The following ADAMTS3 variants were observed in gnomAD, a reference collection of about 807,000 sequenced individuals.
The protein encoded by ADAMTS3 is A disintegrin and metalloproteinase with thrombospondin motifs 3.
In ADAMTS3, 73 loss-of-function variants were observed where a neutral mutation model predicts 129.0. The observed-to-expected ratio is 0.57, with a 90% CI of 0.47 to 0.69. The LOEUF (loss-of-function observed/expected upper bound fraction) is 0.69. Ranked by LOEUF, ADAMTS3 falls within the 30% of genes least tolerant of loss-of-function variation. ADAMTS3 has a pLI of 0.00. For synonymous variants in ADAMTS3, 477 were observed against 510.8 expected, an observed-to-expected ratio of 0.93 and a Z score of 0.89; for missense variants, 1,457 against 1,514.5, an observed-to-expected ratio of 0.96 and a Z score of 0.63.
chr4:72,294,045 A>C (rs187614268), intron 19 of ADAMTS3, among the ~76,000 whole-genome samples: 211 of 152,176 alleles, frequency 1.4e-3, no homozygotes, highest in African/African-American at 4.9e-3. Context: ...ACACGGGAGA[A>C]TTTTTTTCAA....
intron 2 of ADAMTS3, among the ~76,000 whole-genome samples, chr4:72,566,226 T>C (rs970562981): frequency 6.6e-6 from 1 of 152,136 alleles, no homozygotes; most frequent in Non-Finnish European, 1.5e-5. Flanking sequence ...GAAGGAGCAT[T>C]TTGATATATG....
intron 4 of ADAMTS3, among the ~76,000 whole-genome samples, chr4:72,377,044 C>A (rs970421252): frequency 6.6e-6 from 1 of 152,038 alleles, no homozygotes; most frequent in African/African-American, 2.4e-5. Flanking sequence ...ATGGCCTTAC[C>A]AGATGTTAAA....
intron 3 of ADAMTS3, among the ~76,000 whole-genome samples, chr4:72,541,684 C>T (rs1457969621): frequency 6.6e-6 from 1 of 152,096 alleles, no homozygotes; most frequent in Non-Finnish European, 1.5e-5. Flanking sequence ...GTGAATATGT[C>T]TCATGAGATC....
intron 4 of ADAMTS3, among the ~76,000 whole-genome samples, chr4:72,403,133 T>G (rs1721966405): frequency 6.6e-6 from 1 of 152,050 alleles, no homozygotes; most frequent in Non-Finnish European, 1.5e-5. Flanking sequence ...TGGTCTTAAT[T>G]TTTCCTTTGT....
chr4:72,409,257 T>A (rs1417489402), intron 4 of ADAMTS3, among the ~76,000 whole-genome samples: 1 of 152,056 alleles, frequency 6.6e-6, no homozygotes, highest in Non-Finnish European at 1.5e-5. Context: ...AAGGAGCAAT[T>A]ACATTTTAAA....
chr4:72,406,281 C>A (rs917823704), intron 4 of ADAMTS3, among the ~76,000 whole-genome samples: 6 of 152,106 alleles, frequency 3.9e-5, no homozygotes, highest in African/African-American at 1.4e-4. Flanking sequence ...CCCAGCAATG[C>A]CTACTTGGCC....
intron 3 of ADAMTS3, among the ~76,000 whole-genome samples, chr4:72,541,832 T>C (rs1185204280): frequency 6.6e-6 from 1 of 152,166 alleles, no homozygotes; most frequent in South Asian, 2.1e-4. Flanking sequence ...GTCCATTAGT[T>C]TTCTTTTTCT....
At chr4:72,386,283 A>T (rs1721443571) in intron 4 of ADAMTS3, among the ~76,000 whole-genome samples, 1 of 152,078 alleles carries the variant, frequency 6.6e-6, no homozygotes, top group Non-Finnish European at 1.5e-5. Flanking sequence ...GTTTGTATGT[A>T]TGTGTATGGA....
intron 12 of ADAMTS3, among the ~76,000 whole-genome samples, chr4:72,312,716 AGTGT>A (rs1719276324): frequency 6.6e-6 from 1 of 152,144 alleles, no homozygotes; most frequent in Non-Finnish European, 1.5e-5. Flanking sequence ...GCATGGCAAA[AGTGT>A]GTAAGAAAAA....
At chr4:72,547,040 T>C (rs1396812975) in intron 3 of ADAMTS3, among the ~76,000 whole-genome samples, 1 of 152,188 alleles carries the variant, frequency 6.6e-6, no homozygotes, top group East Asian at 1.9e-4. Context: ...ACCATGAGCA[T>C]CTCAGTAAGA....
At position 72,283,383 on chromosome 4, in the gene ADAMTS3, G is replaced by A. The variant is rs1718408522; in HGVS notation, c.3371C>T (p.Pro1124Leu). Reference protein sequence around the residue: ...AYAAFRPNSKPDGANLRQRSA... With the variant: ...AYAAFRPNSKLDGANLRQRSA... ...CCTCTGGCGTAAATTAGCACCATCA[G>A]GTTTACTGTTTGGCCTGAAAGCAGC... is the stretch of plus-strand genomic sequence containing the variant. Residue 1124 changes from proline (P) to leucine (L), a missense_variant, in exon 22 of 22, where the codon CCT (proline) becomes CTT (leucine). By Grantham distance (98) the Pro-to-Leu change is moderately conservative (BLOSUM62 -3). Coordinates refer to ENST00000286657, the MANE Select transcript of ADAMTS3 (RefSeq NM_014243.3). 11 of 1,613,660 alleles carry A rather than the reference G, an allele frequency of 6.8e-6. No individual in the cohort carries two copies. The highest frequency in any genetic ancestry group is 9.3e-6 in the Non-Finnish European group (11 of 1,179,688).
At chr4:72,330,695 A>G (rs1719822733) in intron 5 of ADAMTS3, 1 of 152,214 alleles carries the variant, frequency 6.6e-6, no homozygotes, top group African/African-American at 2.4e-5. Context: ...GTAGCTCTCC[A>G]GAAAGGAAGA....
At chr4:72,515,136 T>A (rs1720429835) in intron 3 of ADAMTS3, among the ~76,000 whole-genome samples, 1 of 152,202 alleles carries the variant, frequency 6.6e-6, no homozygotes, top group Admixed American at 6.5e-5. Flanking sequence ...ATTTCCAATT[T>A]CATCCATGTC....
chr4:72,548,582 A>T lies in ADAMTS3; in HGVS notation c.400T>A (p.Tyr134Asn). The T allele has an allele frequency of 1.2e-6, 2 of 1,613,998 alleles. No homozygotes were observed. The highest frequency in any genetic ancestry group is 1.1e-5 in the South Asian group (1 of 91,082). ...AAAGGCTCTGTTCTCCGGATTCTATACGTAGCACTTCCTGGTTGATGGTTG... is the reference window on the plus strand; with the variant it reads ...AAAGGCTCTGTTCTCCGGATTCTATTCGTAGCACTTCCTGGTTGATGGTTG... ...INNHQPGSAT[Y>N]RIRRTEPLQT... The change falls in exon 3 of 22, where the codon TAT becomes AAT. Residue 134 changes from tyrosine to asparagine, a missense_variant. By Grantham distance (143) the Tyr-to-Asn change is moderately radical (BLOSUM62 -2). Transcript: ENST00000286657.
intron 3 of ADAMTS3, among the ~76,000 whole-genome samples, chr4:72,518,860 G>T (rs1281504523): frequency 2.0e-5 from 3 of 151,772 alleles, no homozygotes; most frequent in African/African-American, 4.8e-5. Flanking sequence ...ATTGTTATGT[G>T]TGAATTTGAT....
chr4:72,543,742 G>A (rs1042673902), intron 3 of ADAMTS3, among the ~76,000 whole-genome samples: 10 of 152,070 alleles, frequency 6.6e-5, no homozygotes, highest in Non-Finnish European at 1.3e-4. Context: ...TTTTTAATAG[G>A]TATAGCATTT....
At chr4:72,353,105 G>C (rs962957235) in intron 4 of ADAMTS3, among the ~76,000 whole-genome samples, 1 of 151,960 alleles carries the variant, frequency 6.6e-6, no homozygotes, top group Non-Finnish European at 1.5e-5. Flanking sequence ...CTCAAAATAT[G>C]ATTTCTAGAA....
intron 3 of ADAMTS3, among the ~76,000 whole-genome samples, chr4:72,495,885 C>T (rs561555227): frequency 6.6e-5 from 10 of 152,146 alleles, no homozygotes; most frequent in Non-Finnish European, 1.0e-4. Flanking sequence ...AGCAAATTAA[C>T]ACACTATTTG....
intron 4 of ADAMTS3, among the ~76,000 whole-genome samples, chr4:72,386,905 ACTGAC>A (rs1721462390): frequency 6.6e-6 from 1 of 152,210 alleles, no homozygotes; most frequent in African/African-American, 2.4e-5. Context: ...AATCTTACTC[ACTGAC>A]CTTCCTATTT....
Sources: gnomAD v4.1 joint callset for allele counts (sites outside exome capture counted in the v4.1 genomes callset) on GRCh38, gnomAD v4.1.1 for gene constraint, MANE v1.5 for transcripts, NCBI Gene and HGNC (gene_info 2026-07-23, HGNC 2026-07-21) for gene names.